CDH13: variants seen among roughly 807,000 people sequenced by gnomAD.
CDH13 encodes the protein cadherin 13, also known as cadherin-13.
A neutral mutation model predicts 63.8 loss-of-function variants in CDH13; 24 were observed. The ratio of observed to expected loss-of-function variants is 0.38; its 90% CI spans 0.27 to 0.53. The LOEUF (loss-of-function observed/expected upper bound fraction) is 0.53, where lower values mean the gene tolerates loss of function less well. Among genes scored for constraint, CDH13 ranks in the 20% least tolerant of loss-of-function variants. CDH13 has a pLI of 0.85. For missense variants in CDH13, 1,049 were observed against 903.1 expected (o/e 1.16, Z -2.07); for synonymous variants, 503 against 355.3 (o/e 1.42, Z -4.67).
intron 1 of CDH13, among the ~76,000 whole-genome samples, chr16:82,797,626 T>A (rs994736204): frequency 1.3e-4 from 20 of 152,204 alleles, no homozygotes; most frequent in African/African-American, 4.3e-4. Context: ...AAACACATGT[T>A]GATTCTCATT....
intron 2 of CDH13, among the ~76,000 whole-genome samples, chr16:82,875,717 A>G (rs529406057): frequency 2.0e-4 from 31 of 152,354 alleles, no homozygotes; most frequent in Non-Finnish European, 2.9e-5. Flanking sequence ...AAAGGGGACC[A>G]ATAAAATGAT....
At chr16:83,334,361 T>TCTCTCTCTCTCACACACACACA (rs1272779883) in intron 5 of CDH13, among the ~76,000 whole-genome samples, 4 of 85,622 alleles carry the variant, frequency 4.7e-5, no homozygotes, top group African/African-American at 1.5e-4. Flanking sequence ...TCTCTCTCTC[T>TCTCTCTCTCTCACACACACACA]CACACACACA....
At chr16:82,754,436 G>C (rs1437676220) in intron 1 of CDH13, among the ~76,000 whole-genome samples, 1 of 152,166 alleles carries the variant, frequency 6.6e-6, no homozygotes, top group African/African-American at 2.4e-5. Context: ...TTATCCTAAA[G>C]AGAGCTGTTG....
intron 2 of CDH13, among the ~76,000 whole-genome samples, chr16:82,910,842 G>A (rs2041807706): frequency 6.6e-6 from 1 of 152,192 alleles, no homozygotes; most frequent in African/African-American, 2.4e-5. Context: ...CAGTGAGGGT[G>A]TTCTTTCTTA....
chr16:83,672,437 T>TTTTTTTG (rs1914588480), intron 9 of CDH13, among the ~76,000 whole-genome samples: 1 of 130,516 alleles, frequency 7.7e-6, no homozygotes, highest in Non-Finnish European at 1.6e-5. Flanking sequence ...TTTTTTTTTT[T>TTTTTTTG]TTTTTTGAGA....
chr16:83,346,775 G>T lies in CDH13; in HGVS notation c.781+1769G>T, dbSNP rs573429959. Among the ~76,000 whole-genome samples the T allele has an allele frequency of 6.6e-5, 10 of 152,180 alleles. No individual in the cohort carries two copies. In the South Asian group the frequency reaches 2.1e-3, roughly 32 times the overall value. ...GAATTCTTTATGCACATGTTATTTT[G>T]TGTATTTTTTATGTATGTTTTTTGT... On this transcript the variant is annotated intron_variant, in intron 6 of 13. Transcript: ENST00000567109.
At chr16:83,333,987 A>T (rs572593505) in intron 5 of CDH13, among the ~76,000 whole-genome samples, 4 of 152,120 alleles carry the variant, frequency 2.6e-5, no homozygotes, top group Non-Finnish European at 5.9e-5. Flanking sequence ...TGTCAGGGTA[A>T]AATCAAGGTG....
chr16:83,767,902 T>A (rs978642127), intron 11 of CDH13, among the ~76,000 whole-genome samples: 1 of 152,086 alleles, frequency 6.6e-6, no homozygotes. Flanking sequence ...GGTGATGAAA[T>A]GTTCTAAAAG....
chr16:83,534,388 G>A (rs2075143513), intron 7 of CDH13, among the ~76,000 whole-genome samples: 1 of 152,106 alleles, frequency 6.6e-6, no homozygotes, highest in African/African-American at 2.4e-5. Context: ...GAAAATGCTG[G>A]CAGTGCATTT....
At chr16:83,134,602 A>ACT (rs2036204301) in intron 4 of CDH13, among the ~76,000 whole-genome samples, 1 of 143,438 alleles carries the variant, frequency 7.0e-6, no homozygotes, top group Non-Finnish European at 1.5e-5. Context: ...AGTGAGTTAC[A>ACT]TGACTGTATT....
chr16:82,986,259 A>T (rs1041998337), intron 2 of CDH13, among the ~76,000 whole-genome samples: 9 of 152,178 alleles, frequency 5.9e-5, no homozygotes, highest in African/African-American at 2.2e-4. Context: ...CCTGAGTAAC[A>T]CTTGGCAACC....
At chr16:83,527,926 A>C (rs1438682520) in intron 7 of CDH13, among the ~76,000 whole-genome samples, 1 of 152,240 alleles carries the variant, frequency 6.6e-6, no homozygotes, top group Non-Finnish European at 1.5e-5. Flanking sequence ...AACTTCAAAC[A>C]ATATTAGAGC....
chr16:83,582,485 GA>G (rs1278922602), intron 7 of CDH13, among the ~76,000 whole-genome samples: 2 of 151,690 alleles, frequency 1.3e-5, no homozygotes, highest in African/African-American at 4.8e-5. Flanking sequence ...GTTTCTAGTA[GA>G]AAAAAAAGTA....
At chr16:82,687,379 C>T (rs181574495) in intron 1 of CDH13, among the ~76,000 whole-genome samples, 79 of 152,170 alleles carry the variant, frequency 5.2e-4, no homozygotes, top group Admixed American at 2.0e-4. Flanking sequence ...GTGTATTAGT[C>T]GGTTCTCAAG....
chr16:83,003,291 A>G (rs1466956617), intron 2 of CDH13, among the ~76,000 whole-genome samples: 1 of 152,070 alleles, frequency 6.6e-6, no homozygotes, highest in Non-Finnish European at 1.5e-5. Context: ...AGGGCTGTGG[A>G]TTGCCATCTC....
intron 1 of CDH13, among the ~76,000 whole-genome samples, chr16:82,682,407 G>A (rs185360869): frequency 2.1e-4 from 32 of 152,250 alleles, no homozygotes; most frequent in Admixed American, 1.4e-3. Context: ...ACAGAGGAGA[G>A]GCCACCTATT....
At chr16:83,440,784 CAA>C (rs34731612) in intron 6 of CDH13, among the ~76,000 whole-genome samples, 7,234 of 123,436 alleles carry the variant, frequency 0.059, 272 homozygotes, top group African/African-American at 0.13. Context: ...GACTTCATCT[CAA>C]AAAAAAAAAA....
chr16:83,651,799 C>G (rs897119148), intron 8 of CDH13, among the ~76,000 whole-genome samples: 2 of 151,856 alleles, frequency 1.3e-5, no homozygotes, highest in Non-Finnish European at 2.9e-5. Flanking sequence ...TTTCACCATG[C>G]TGGCCAGCTG....
At chr16:83,499,968 A>G (rs2074233264) in intron 7 of CDH13, among the ~76,000 whole-genome samples, 1 of 151,960 alleles carries the variant, frequency 6.6e-6, no homozygotes, top group Non-Finnish European at 1.5e-5. Context: ...ACGCGCAGCT[A>G]ATTTTTGTAT....
Sources: allele counts gnomAD v4.1 joint callset (sites outside exome capture counted in the v4.1 genomes callset), GRCh38; gene constraint gnomAD v4.1.1; transcripts MANE v1.5; gene names NCBI Gene and HGNC (gene_info 2026-07-23, HGNC 2026-07-21).